The following LRCH1 variants were observed in gnomAD, a reference collection of about 807,000 sequenced individuals.
LRCH1 encodes leucine-rich repeat and calponin homology domain-containing protein 1.
Under a neutral mutation model 94.9 loss-of-function variants are expected in LRCH1, and 23 were observed. The observed-to-expected ratio is 0.24, with a 90% CI of 0.17 to 0.34. LRCH1 has a LOEUF of 0.34. Among genes scored for constraint, LRCH1 ranks in the 10% least tolerant of loss-of-function variants. LRCH1 has a pLI of 1.00. For missense variants in LRCH1, 790 were observed against 945.9 expected (o/e 0.84, Z 2.16); for synonymous variants, 364 against 354.9 (o/e 1.03, Z -0.29).
intron 1 of LRCH1, among the ~76,000 whole-genome samples, chr13:46,577,246 G>A (rs772381663): frequency 2.6e-5 from 4 of 152,202 alleles, no homozygotes; most frequent in Non-Finnish European, 4.4e-5. Context: ...ACAGGCACAC[G>A]CCACCATGCC....
intron 1 of LRCH1, among the ~76,000 whole-genome samples, chr13:46,571,326 A>G (rs1000261932): frequency 2.0e-5 from 3 of 152,106 alleles, no homozygotes; most frequent in Non-Finnish European, 4.4e-5. Context: ...GCGTGTTTCC[A>G]TTGAGTGTGC....
chr13:46,612,907 A>T (rs1410462957), intron 1 of LRCH1, among the ~76,000 whole-genome samples: 1 of 152,194 alleles, frequency 6.6e-6, no homozygotes, highest in Admixed American at 6.5e-5. Flanking sequence ...ATTTTAACCT[A>T]TTGAAGTCAC....
At chr13:46,680,379 AAAGGGG>A (rs2051735024) in intron 3 of LRCH1, among the ~76,000 whole-genome samples, 2 of 152,216 alleles carry the variant, frequency 1.3e-5, no homozygotes, top group Non-Finnish European at 2.9e-5. Flanking sequence ...TCATAGGTTT[AAAGGGG>A]AATGTAAACC....
intron 6 of LRCH1, 76 bp from the exon 7 acceptor site, chr13:46,689,057 A>G: frequency 8.8e-7 from 1 of 1,134,470 alleles, no homozygotes; most frequent in Non-Finnish European, 1.3e-6. Flanking sequence ...TAGAATATAA[A>G]TTGATGTTTC....
At chr13:46,578,602 C>G (rs540769948) in intron 1 of LRCH1, among the ~76,000 whole-genome samples, 52 of 152,282 alleles carry the variant, frequency 3.4e-4, no homozygotes, top group African/African-American at 1.2e-3. Context: ...TAACCTATTT[C>G]TGTTTTTCAA....
chr13:46,673,102 T>C (rs1308924177), intron 3 of LRCH1, among the ~76,000 whole-genome samples: 2 of 152,198 alleles, frequency 1.3e-5, no homozygotes, highest in Admixed American at 6.5e-5. Context: ...CTGTATAATA[T>C]AAAAAATATT....
chr13:46,582,648 C>CTTTTTTTTTTTATTT (rs2050384162), intron 1 of LRCH1, among the ~76,000 whole-genome samples: 1 of 23,332 alleles, frequency 4.3e-5, no homozygotes, highest in East Asian at 2.5e-3. Flanking sequence ...CCATGCCCAG[C>CTTTTTTTTTTTATTT]TTTTTTTTTT....
rs9316213 is a variant in LRCH1 at position 46,582,359 on chromosome 13, G to A, written c.307+28656G>A. ...CACTCCTACCAATGGAAGAACAACC[G>A]TTGCTCTCATCTTTTTTTTTTTTTT... is the stretch of plus-strand genomic sequence containing the variant. On this transcript the variant is annotated intron_variant, in intron 1 of 19. Coordinates refer to ENST00000389797, the MANE Select transcript of LRCH1 (RefSeq NM_001164211.2). Among the ~76,000 whole-genome samples the A allele has an allele frequency of 6.9e-3, 937 of 135,304 alleles. 10 individuals carry two copies. The highest frequency in any genetic ancestry group is 0.026 in the African/African-American group (911 of 35,582). 88.8% of individuals were successfully genotyped at this position (135,304 alleles called of 152,430 possible). A position where few individuals can be genotyped will look rare whatever the true frequency, so the allele number is the denominator to read the frequency against.
chr13:46,663,817 G>A (rs9534458), intron 2 of LRCH1, among the ~76,000 whole-genome samples: 97,066 of 152,100 alleles, frequency 0.64, 31,437 homozygotes, highest in Middle Eastern at 0.72. Flanking sequence ...TCCACGCTGT[G>A]AAACCTGCCC....
intron 3 of LRCH1, among the ~76,000 whole-genome samples, chr13:46,672,063 AC>A (rs1315502737): frequency 1.2e-4 from 19 of 152,006 alleles, no homozygotes; most frequent in Admixed American, 2.0e-4. Context: ...CTCCTCCTCA[AC>A]CCTGGCAACC....
chr13:46,671,150 T>G (rs2051595840), intron 3 of LRCH1, among the ~76,000 whole-genome samples: 1 of 152,222 alleles, frequency 6.6e-6, no homozygotes. Flanking sequence ...TGTGCACACA[T>G]CACTCTTTCG....
chr13:46,750,400 A>C (rs992508108), intron 18 of LRCH1: 1 of 597,742 alleles, frequency 1.7e-6, no homozygotes, highest in Non-Finnish European at 3.0e-6. Context: ...GTTGAAAGCA[A>C]AGGAAGGAGC....
At chr13:46,577,960 C>T (rs1033946277) in intron 1 of LRCH1, among the ~76,000 whole-genome samples, 1 of 152,176 alleles carries the variant, frequency 6.6e-6, no homozygotes, top group African/African-American at 2.4e-5. Flanking sequence ...CAGTGGTGCC[C>T]ACTAAAGGGA....
intron 1 of LRCH1, among the ~76,000 whole-genome samples, chr13:46,575,514 G>GTA (rs1430456081): frequency 2.1e-5 from 3 of 141,716 alleles, no homozygotes; most frequent in African/African-American, 7.5e-5. Flanking sequence ...GCATGAATGT[G>GTA]TGTGTGTGTG....
At chr13:46,619,946 T>A (rs2050861830) in intron 1 of LRCH1, among the ~76,000 whole-genome samples, 1 of 152,208 alleles carries the variant, frequency 6.6e-6, no homozygotes, top group South Asian at 2.1e-4. Context: ...TCTTTCAATA[T>A]TTGGATCAAA....
At chr13:46,691,208 C>G (rs1250573028) in intron 7 of LRCH1, among the ~76,000 whole-genome samples, 1 of 152,142 alleles carries the variant, frequency 6.6e-6, no homozygotes, top group African/African-American at 2.4e-5. Flanking sequence ...TCCTAAGTAG[C>G]AACAGTAAAA....
At chr13:46,590,348 T>C (rs2050485721) in intron 1 of LRCH1, among the ~76,000 whole-genome samples, 1 of 152,214 alleles carries the variant, frequency 6.6e-6, no homozygotes, top group Admixed American at 6.5e-5. Flanking sequence ...GTGCCACTAA[T>C]AGGACATTTT....
At chr13:46,730,384 C>T (rs911122069) in intron 18 of LRCH1, among the ~76,000 whole-genome samples, 7 of 152,194 alleles carry the variant, frequency 4.6e-5, no homozygotes, top group African/African-American at 7.2e-5. Flanking sequence ...CATAAAAGTG[C>T]AATGTTCATA....
chr13:46,556,540 CAGA>C (rs1418704849), intron 1 of LRCH1, among the ~76,000 whole-genome samples: 1 of 152,178 alleles, frequency 6.6e-6, no homozygotes, highest in African/African-American at 2.4e-5. Context: ...AGGGACAAAA[CAGA>C]AGAGCCACTA....
Sources: allele counts gnomAD v4.1 joint callset (sites outside exome capture counted in the v4.1 genomes callset), GRCh38; gene constraint gnomAD v4.1.1; transcripts MANE v1.5; gene names NCBI Gene and HGNC (gene_info 2026-07-23, HGNC 2026-07-21).